RAP1GAP2: variants seen among roughly 807,000 people sequenced by gnomAD.
RAP1GAP2 encodes the protein rap1 GTPase-activating protein 2.
In RAP1GAP2, 27 loss-of-function variants were observed where a neutral mutation model predicts 95.0. The observed-to-expected ratio is 0.28, with a 90% CI of 0.21 to 0.39. RAP1GAP2 has a LOEUF of 0.39. Ranked by LOEUF, RAP1GAP2 falls within the 10% of genes least tolerant of loss-of-function variation. The pLI is 1.00. For synonymous variants in RAP1GAP2, 373 were observed against 380.9 expected (o/e 0.98, Z 0.24); for missense variants, 771 against 970.0 (o/e 0.79, Z 2.72).
At position 2,865,844 on chromosome 17, in the gene RAP1GAP2, TTGG is replaced by T. The variant is rs368858723; in HGVS notation, c.81-39436_81-39434del. 7.9e-4 allele frequency among the ~76,000 whole-genome samples: 121 copies of T among 152,302 alleles called. 1 individual carries two copies. Among genetic ancestry groups the T allele is most frequent in the East Asian group, 7.3e-3 (38 of 5,186 alleles). On this transcript the variant is annotated intron_variant, in intron 2 of 24. Transcript: ENST00000254695. The stretch of plus-strand genomic sequence containing the variant: ...CTTCTAGAAAGGGCTGCCAGCCCTC[TTGG>T]TGGCATCTGCCCCTCTCTTTCCCCT...
At chr17:2,823,655 C>T (rs900682780) in intron 2 of RAP1GAP2, among the ~76,000 whole-genome samples, 8 of 152,208 alleles carry the variant, frequency 5.3e-5, no homozygotes, top group African/African-American at 1.9e-4. Flanking sequence ...CACACACATC[C>T]AGTCAAGGTC....
chr17:2,796,546 AG>A lies in RAP1GAP2; in HGVS notation c.20del (p.Ser7MetfsTer18). On this transcript the variant is annotated frameshift_variant, in exon 1 of 25. Transcript: ENST00000254695. LOFTEE classifies it high-confidence loss of function. The surrounding 1 kb of genome is among the most constrained non-coding windows in gnomAD (Gnocchi z 4.7). ...CACAACCATGTTTGGCCGGAAGCGC[AG>A]TGTCTCCTTTGGGGGCTTCGGATGG... is the stretch of plus-strand genomic sequence containing the variant. MFGRKR[S>X]VSFGGFGWID... 1.9e-6 allele frequency: 3 copies of A among 1,564,478 alleles called. No individual in the cohort carries two copies. The highest frequency in any genetic ancestry group is 2.6e-6 in the Non-Finnish European group (3 of 1,154,398).
intron 5 of RAP1GAP2, 134 bp downstream of exon 5, chr17:2,962,848 G>T: frequency 3.6e-6 from 3 of 843,730 alleles, no homozygotes; most frequent in South Asian, 2.0e-5. Flanking sequence ...ACCACGGGCC[G>T]CTTCACGACT....
chr17:2,819,544 G>A (rs1335059113), intron 2 of RAP1GAP2, among the ~76,000 whole-genome samples: 1 of 151,678 alleles, frequency 6.6e-6, no homozygotes, highest in Non-Finnish European at 1.5e-5. Context: ...TGCAATCTCG[G>A]CTCATTGCAG....
intron 19 of RAP1GAP2, among the ~76,000 whole-genome samples, chr17:3,024,066 T>C (rs1456652742): frequency 6.6e-6 from 1 of 152,018 alleles, no homozygotes; most frequent in Non-Finnish European, 1.5e-5. Context: ...ACCAATAGGG[T>C]AGAGGTACTG....
chr17:2,796,554 C>T lies in RAP1GAP2; in HGVS notation c.27C>T (p.Ser9=). 1 of 1,563,762 alleles carries T rather than the reference C, an allele frequency of 6.4e-7. No homozygotes were observed. Among genetic ancestry groups the T allele is most frequent in the Non-Finnish European group, 8.7e-7 (1 of 1,153,974 alleles). The part of the protein sequence containing the change: MFGRKRSV[S]FGGFGWIDKT... ...TGTTTGGCCGGAAGCGCAGTGTCTC[C>T]TTTGGGGGCTTCGGATGGTGGGTGA... The change falls in exon 1 of 25, where the codon TCC becomes TCT. Residue 9 remains serine (S), a synonymous_variant. Transcript: ENST00000254695. This position sits in a 1 kb window ranked among gnomAD's most constrained non-coding sequence, Gnocchi z 4.7.
chr17:2,785,001 C>T (rs562220543), intron 1 of RAP1GAP2, among the ~76,000 whole-genome samples: 1 of 152,342 alleles, frequency 6.6e-6, no homozygotes, highest in South Asian at 2.1e-4. Flanking sequence ...CGCCTGCTTC[C>T]ACCTGAGTCA....
At chr17:3,032,056 C>G (rs1330839668) in intron 23 of RAP1GAP2, among the ~76,000 whole-genome samples, 1 of 144,542 alleles carries the variant, frequency 6.9e-6, no homozygotes, top group African/African-American at 2.5e-5. Flanking sequence ...GTTCTTGGGT[C>G]CCGAATCCCT....
intron 2 of RAP1GAP2, among the ~76,000 whole-genome samples, chr17:2,828,030 G>A (rs1394860139): frequency 6.6e-6 from 1 of 152,050 alleles, no homozygotes; most frequent in Admixed American, 6.6e-5. Context: ...ACCAAAACTA[G>A]TTTGGGTCTT....
chr17:2,788,209 T>C (rs921031044), intron 1 of RAP1GAP2, among the ~76,000 whole-genome samples: 1 of 152,180 alleles, frequency 6.6e-6, no homozygotes, highest in Non-Finnish European at 1.5e-5. Context: ...ATAGGAAATA[T>C]ATACATATGT....
chr17:2,776,657 C>A (rs2068506682), upstream of RAP1GAP2, among the ~76,000 whole-genome samples: 3 of 150,932 alleles, frequency 2.0e-5, no homozygotes, highest in African/African-American at 7.2e-5. Flanking sequence ...CACGAGGACC[C>A]CGGACCCTGG....
chr17:2,765,337 T>G (rs1199695383), intron 1 of RAP1GAP2, among the ~76,000 whole-genome samples: 1 of 152,122 alleles, frequency 6.6e-6, no homozygotes, highest in African/African-American at 2.4e-5. Context: ...CCATCTTACC[T>G]GAGCCGGGAG....
chr17:2,866,742 G>C lies in RAP1GAP2; in HGVS notation c.81-38542G>C, dbSNP rs1366985086. ...AGCCTCCCGAGTAGCTGGGATTACA[G>C]GTGTCCGCCACCAGGTCCGGCTAAT... On this transcript the variant is annotated intron_variant, in intron 2 of 24. Transcript: ENST00000254695. This position sits in a 1 kb window ranked among gnomAD's most constrained non-coding sequence, Gnocchi z 4.0. Among the ~76,000 whole-genome samples, 2 of 151,756 alleles carry C rather than the reference G, an allele frequency of 1.3e-5. No homozygotes were observed. Among genetic ancestry groups the C allele is most frequent in the East Asian group, 3.9e-4 (2 of 5,178 alleles).
chr17:2,994,850 G>C (rs2045898679), intron 12 of RAP1GAP2, among the ~76,000 whole-genome samples: 1 of 152,236 alleles, frequency 6.6e-6, no homozygotes, highest in Admixed American at 6.5e-5. Context: ...TCTTGCTCTT[G>C]TTGCCCAGGC....
chr17:2,790,554 A>T (rs186120154), intron 1 of RAP1GAP2, among the ~76,000 whole-genome samples: 4 of 152,300 alleles, frequency 2.6e-5, no homozygotes, highest in Admixed American at 6.5e-5. Flanking sequence ...TGGATCTGGG[A>T]TGAGAGCTGA....
chr17:2,961,978 C>CT (rs899721964), intron 4 of RAP1GAP2, among the ~76,000 whole-genome samples: 3 of 149,626 alleles, frequency 2.0e-5, no homozygotes, highest in African/African-American at 7.4e-5. Flanking sequence ...TCTCGGCTCA[C>CT]TGCAACCTCT....
At chr17:2,993,301 T>C (rs1030583297) in intron 12 of RAP1GAP2, among the ~76,000 whole-genome samples, 1 of 147,502 alleles carries the variant, frequency 6.8e-6, no homozygotes, top group Non-Finnish European at 1.5e-5. Flanking sequence ...GGGCTGAGCG[T>C]GGTGGCTCAC....
At chr17:2,849,596 C>G (rs2071741428) in intron 2 of RAP1GAP2, among the ~76,000 whole-genome samples, 2 of 152,226 alleles carry the variant, frequency 1.3e-5, no homozygotes, top group Admixed American at 1.3e-4. Context: ...CCGCCCCAGG[C>G]CTGATTCCCA....
chr17:2,842,890 A>G (rs1030881634), intron 2 of RAP1GAP2, among the ~76,000 whole-genome samples: 2 of 152,188 alleles, frequency 1.3e-5, no homozygotes, highest in Non-Finnish European at 2.9e-5. Context: ...GAGGCTCCAG[A>G]ACATGGAATC....
Sources: allele counts gnomAD v4.1 joint callset (sites outside exome capture counted in the v4.1 genomes callset), GRCh38; gene constraint gnomAD v4.1.1; non-coding constraint Gnocchi (gnomAD v3.1); transcripts MANE v1.5; gene names NCBI Gene and HGNC (gene_info 2026-07-23, HGNC 2026-07-21).